MTHFD2L: variants seen among roughly 807,000 people sequenced by gnomAD.
The protein encoded by MTHFD2L is bifunctional methylenetetrahydrofolate dehydrogenase/cyclohydrolase 2, mitochondrial.
MTHFD2L carries 29 observed loss-of-function variants against 34.9 expected under a neutral mutation model. The observed-to-expected ratio is 0.83, with a 90% CI of 0.62 to 1.13. MTHFD2L has a LOEUF of 1.13. MTHFD2L is among the 50% of genes most tolerant of loss of function. The pLI, the probability that MTHFD2L is intolerant of heterozygous loss-of-function variation, is 0.00. For missense variants in MTHFD2L, 481 were observed against 446.5 expected, an observed-to-expected ratio of 1.08 and a Z score of -0.70; for synonymous variants, 167 against 155.7, an observed-to-expected ratio of 1.07 and a Z score of -0.54.
chr4:74,247,143 C>G (rs1286651980), intron 6 of MTHFD2L, among the ~76,000 whole-genome samples: 1 of 151,040 alleles, frequency 6.6e-6, no homozygotes, highest in Non-Finnish European at 1.5e-5. Context: ...TTTGTATCCT[C>G]TTTTATTTCA....
intron 6 of MTHFD2L, among the ~76,000 whole-genome samples, chr4:74,237,708 C>G (rs546024284): frequency 1.3e-5 from 2 of 152,176 alleles, no homozygotes; most frequent in Non-Finnish European, 2.9e-5. Context: ...ATGATCCTTT[C>G]AGGACTCATT....
intron 1 of MTHFD2L, among the ~76,000 whole-genome samples, chr4:74,127,056 G>T (rs912486048): frequency 6.6e-6 from 1 of 152,072 alleles, no homozygotes; most frequent in Non-Finnish European, 1.5e-5. Context: ...CTGTCCTGCC[G>T]CTCCGTGAAG....
intron 3 of MTHFD2L, among the ~76,000 whole-genome samples, chr4:74,181,398 C>T (rs1055781505): frequency 2.0e-5 from 3 of 152,096 alleles, no homozygotes; most frequent in Non-Finnish European, 2.9e-5. Context: ...CACAGCAATC[C>T]TTACCAGTAG....
chr4:74,241,701 G>A (rs942118037), intron 6 of MTHFD2L: 3 of 202,690 alleles, frequency 1.5e-5, no homozygotes, highest in African/African-American at 7.1e-5. Flanking sequence ...TTAGACCTTA[G>A]AAAAACCTAT....
upstream of MTHFD2L, chr4:74,123,433 T>A (rs1560398841): frequency 6.6e-6 from 1 of 152,200 alleles, no homozygotes; most frequent in Non-Finnish European, 1.5e-5. Context: ...GGTAGGCTCA[T>A]CTTTCTAATC....
At chr4:74,208,586 G>A (rs758665199) in intron 5 of MTHFD2L, among the ~76,000 whole-genome samples, 2 of 152,088 alleles carry the variant, frequency 1.3e-5, no homozygotes, top group Admixed American at 1.3e-4. Flanking sequence ...AATTAGGTTT[G>A]TGGACACATA....
intron 3 of MTHFD2L, chr4:74,180,705 C>G (rs765338656): frequency 2.2e-6 from 1 of 454,928 alleles, no homozygotes; most frequent in South Asian, 1.6e-5. Context: ...CAACTTTGTT[C>G]AGGATTTGAA....
intron 5 of MTHFD2L, among the ~76,000 whole-genome samples, chr4:74,206,322 G>A (rs7441673): frequency 0.038 from 5,788 of 152,190 alleles, 381 homozygotes; most frequent in African/African-American, 0.13. Context: ...TCCAGCTGGA[G>A]TGTGGGCTGA....
At chr4:74,283,276 T>G (rs1747728829) in intron 7 of MTHFD2L, among the ~76,000 whole-genome samples, 1 of 152,162 alleles carries the variant, frequency 6.6e-6, no homozygotes. Flanking sequence ...TCTTCTTTTT[T>G]AAGTAAGAAT....
At chr4:74,164,221 A>G (rs768299598) in intron 1 of MTHFD2L, among the ~76,000 whole-genome samples, 1 of 152,232 alleles carries the variant, frequency 6.6e-6, no homozygotes, top group African/African-American at 2.4e-5. Flanking sequence ...TTGCAGCTCT[A>G]GTTGAAGTCG....
intron 1 of MTHFD2L, among the ~76,000 whole-genome samples, chr4:74,151,321 A>G (rs1723926865): frequency 6.6e-6 from 1 of 152,230 alleles, no homozygotes; most frequent in African/African-American, 2.4e-5. Context: ...CTTATTACAC[A>G]GATTCAAATC....
At chr4:74,226,229 A>C (rs1421338902) in intron 6 of MTHFD2L, among the ~76,000 whole-genome samples, 4 of 152,268 alleles carry the variant, frequency 2.6e-5, no homozygotes, top group South Asian at 4.1e-4. Context: ...AAAATATTTC[A>C]ATAAATTAAA....
chr4:74,279,992 C>T (rs1747221820), intron 6 of MTHFD2L, among the ~76,000 whole-genome samples: 1 of 151,978 alleles, frequency 6.6e-6, no homozygotes, highest in Non-Finnish European at 1.5e-5. Flanking sequence ...TTTAAGCCAC[C>T]CGTAATGCTT....
chr4:74,150,454 A>G (rs1723861472), intron 1 of MTHFD2L, among the ~76,000 whole-genome samples: 1 of 152,162 alleles, frequency 6.6e-6, no homozygotes, highest in African/African-American at 2.4e-5. Context: ...GTGTTTCTCT[A>G]TGTTGGTCAG....
chr4:74,240,988 T>G (rs1741617695), intron 6 of MTHFD2L, among the ~76,000 whole-genome samples: 1 of 152,118 alleles, frequency 6.6e-6, no homozygotes, highest in Non-Finnish European at 1.5e-5. Flanking sequence ...AAAGCTTTTT[T>G]AAAAAGACAG....
At chr4:74,226,875 GATA>G (rs556348173) in intron 6 of MTHFD2L, among the ~76,000 whole-genome samples, 51 of 152,302 alleles carry the variant, frequency 3.3e-4, no homozygotes, top group African/African-American at 1.2e-3. Context: ...TATAATGCCA[GATA>G]ATGATAAGTG....
upstream of MTHFD2L, chr4:74,156,578 A>G (rs1420844905): frequency 6.6e-6 from 1 of 152,252 alleles, no homozygotes; most frequent in Non-Finnish European, 1.5e-5. Context: ...ACATAGGAAC[A>G]TGGTTGCTGG....
chr4:74,290,457 C>T (rs1748742734), intron 7 of MTHFD2L, among the ~76,000 whole-genome samples: 2 of 152,144 alleles, frequency 1.3e-5, no homozygotes, highest in Admixed American at 1.3e-4. Flanking sequence ...CCCAACTCTA[C>T]TGCTTAAAAC....
chr4:74,272,460 G>C (rs2110251004), intron 6 of MTHFD2L, among the ~76,000 whole-genome samples: 1 of 152,198 alleles, frequency 6.6e-6, no homozygotes, highest in South Asian at 2.1e-4. Flanking sequence ...GAGAAACTGG[G>C]CATTTGATTT....
Sources: gnomAD v4.1 joint callset for allele counts (sites outside exome capture counted in the v4.1 genomes callset) on GRCh38, gnomAD v4.1.1 for gene constraint, MANE v1.5 for transcripts, NCBI Gene and HGNC (gene_info 2026-07-23, HGNC 2026-07-21) for gene names.